NT5C2: variants seen among roughly 807,000 people sequenced by gnomAD.
NT5C2 encodes the protein cytosolic purine 5'-nucleotidase.
Under a neutral mutation model 76.1 loss-of-function variants are expected in NT5C2, and 58 were observed. That is an observed-to-expected ratio of 0.76 (90% confidence interval 0.62 to 0.95). NT5C2 has a LOEUF of 0.95. Ranked by LOEUF, NT5C2 falls within the 40% of genes least tolerant of loss-of-function variation. The pLI, the probability that NT5C2 is intolerant of heterozygous loss-of-function variation, is 0.00. For synonymous variants in NT5C2, 229 were observed against 237.4 expected (o/e 0.96, Z 0.32); for missense variants, 478 against 690.3 (o/e 0.69, Z 3.45).
chr10:103,184,276 T>C (rs946014480), intron 1 of NT5C2, among the ~76,000 whole-genome samples: 1 of 152,146 alleles, frequency 6.6e-6, no homozygotes, highest in Admixed American at 6.6e-5. Flanking sequence ...TATTTTTCAT[T>C]TCATTATTTT....
In NT5C2 at chr10:103,094,475, A is replaced by T. The variant is rs1311821099; in HGVS notation, c.814-20T>A. The T allele has an allele frequency of 7.3e-7, 1 of 1,362,712 alleles. No individual in the cohort carries two copies. The highest frequency in any genetic ancestry group is 1.4e-5 in the African/African-American group (1 of 69,990). The allele number at this position is 1,362,712 out of a possible 1,614,324, so 84.4% of individuals were successfully genotyped here. On this transcript the variant is annotated intron_variant, in intron 12 of 18. Transcript: ENST00000404739. ...CCCAGGCTGGTGAAGGAGAAACAGCAAAAGTTGAAACATCACTCCTTACCT... is the reference window on the plus strand; with the variant it reads ...CCCAGGCTGGTGAAGGAGAAACAGCTAAAGTTGAAACATCACTCCTTACCT...
chr10:103,190,480 C>A (rs1291349184), intron 1 of NT5C2, among the ~76,000 whole-genome samples: 1 of 152,164 alleles, frequency 6.6e-6, no homozygotes, highest in Non-Finnish European at 1.5e-5. Context: ...GCAAAAAAAA[C>A]TAACATTTAT....
chr10:103,166,655 T>G (rs2086478918), intron 3 of NT5C2, among the ~76,000 whole-genome samples: 1 of 152,174 alleles, frequency 6.6e-6, no homozygotes, highest in Non-Finnish European at 1.5e-5. Flanking sequence ...TTTTTCTTTC[T>G]TTCTTTCTTT....
intron 4 of NT5C2, among the ~76,000 whole-genome samples, chr10:103,115,770 T>C (rs547269045): frequency 1.3e-5 from 2 of 152,230 alleles, no homozygotes; most frequent in East Asian, 1.9e-4. Context: ...TATAGACTCA[T>C]ATATTAAAAA....
chr10:103,189,293 CTTCT>C (rs765297596), intron 1 of NT5C2, among the ~76,000 whole-genome samples: 2 of 151,996 alleles, frequency 1.3e-5, no homozygotes, highest in East Asian at 1.9e-4. Context: ...TACTACCCAC[CTTCT>C]TTATCAAATT....
At chr10:103,124,419 C>A (rs1013026923) in intron 4 of NT5C2, among the ~76,000 whole-genome samples, 3 of 152,178 alleles carry the variant, frequency 2.0e-5, no homozygotes, top group Non-Finnish European at 4.4e-5. Context: ...CCACTGCCAT[C>A]TACCAAGCAA....
intron 4 of NT5C2, among the ~76,000 whole-genome samples, chr10:103,109,041 G>T (rs1312895339): frequency 6.6e-6 from 1 of 151,872 alleles, no homozygotes; most frequent in Non-Finnish European, 1.5e-5. Context: ...TTGAGACGGG[G>T]GTTTCACCAT....
intron 12 of NT5C2, among the ~76,000 whole-genome samples, chr10:103,095,200 T>C (rs1283881522): frequency 6.6e-6 from 1 of 152,220 alleles, no homozygotes; most frequent in Non-Finnish European, 1.5e-5. Flanking sequence ...CTCAGAATGA[T>C]GGCTCTAGGT....
intron 4 of NT5C2, among the ~76,000 whole-genome samples, chr10:103,108,961 C>A (rs748158035): frequency 1.2e-4 from 18 of 151,906 alleles, no homozygotes; most frequent in African/African-American, 3.9e-4. Flanking sequence ...CAGATTCAAG[C>A]GATTCTCATG....
chr10:103,152,761 A>G (rs904048217), intron 3 of NT5C2, among the ~76,000 whole-genome samples: 6 of 152,228 alleles, frequency 3.9e-5, no homozygotes, highest in Non-Finnish European at 7.4e-5. Context: ...ACTCTGAAGC[A>G]TAAGAGAAAA....
intron 1 of NT5C2, among the ~76,000 whole-genome samples, chr10:103,181,936 G>A (rs1235795720): frequency 6.6e-6 from 1 of 151,962 alleles, no homozygotes; most frequent in Non-Finnish European, 1.5e-5. Flanking sequence ...CTCCCACCCG[G>A]GAGGCGGAGG....
intron 4 of NT5C2, 141 bp downstream of exon 4, chr10:103,139,265 A>G: frequency 2.0e-6 from 1 of 505,906 alleles, no homozygotes; most frequent in Non-Finnish European, 3.5e-6. Flanking sequence ...CACAAATCTT[A>G]CTGGAAGCAA....
At chr10:103,097,477 C>G in intron 10 of NT5C2, 103 bp from the exon 11 acceptor site, 1 of 931,670 alleles carries the variant, frequency 1.1e-6, no homozygotes. Flanking sequence ...AATGGGGGAA[C>G]CTTTTAAGGG....
intron 1 of NT5C2, among the ~76,000 whole-genome samples, chr10:103,181,700 A>G (rs1356233860): frequency 6.6e-6 from 1 of 152,166 alleles, no homozygotes; most frequent in Non-Finnish European, 1.5e-5. Context: ...CCAAACTGAT[A>G]AAAGTATAAA....
chr10:103,181,730 C>A (rs1324932400), intron 1 of NT5C2, among the ~76,000 whole-genome samples: 1 of 152,066 alleles, frequency 6.6e-6, no homozygotes, highest in Non-Finnish European at 1.5e-5. Context: ...AAAGGCCTGG[C>A]GTGGTGGCTC....
intron 3 of NT5C2, chr10:103,153,220 T>C (rs2082701650): frequency 9.0e-7 from 1 of 1,113,658 alleles, no homozygotes; most frequent in East Asian, 6.5e-5. Flanking sequence ...TGCTTATTAA[T>C]CTTTTAATTC....
intron 10 of NT5C2, 84 bp from the exon 11 acceptor site, chr10:103,097,458 CACA>C: frequency 8.5e-7 from 1 of 1,182,092 alleles, no homozygotes. Flanking sequence ...GATTTCTGTC[CACA>C]ACAGGAATGG....
intron 1 of NT5C2, among the ~76,000 whole-genome samples, chr10:103,186,212 A>C (rs1445297814): frequency 6.6e-6 from 1 of 152,246 alleles, no homozygotes; most frequent in Non-Finnish European, 1.5e-5. Flanking sequence ...AATTATAAGC[A>C]CTACAGTTTC....
At chr10:103,190,570 T>A (rs2092561607) in intron 1 of NT5C2, among the ~76,000 whole-genome samples, 1 of 152,226 alleles carries the variant, frequency 6.6e-6, no homozygotes, top group Admixed American at 6.5e-5. Flanking sequence ...TTTGTTCTAT[T>A]TTTCCCTTCT....
Sources: allele counts gnomAD v4.1 joint callset (sites outside exome capture counted in the v4.1 genomes callset), GRCh38; gene constraint gnomAD v4.1.1; transcripts MANE v1.5; gene names NCBI Gene and HGNC (gene_info 2026-07-23, HGNC 2026-07-21).